Variants in KCNK10 observed in about 807,000 individuals in gnomAD.
The protein encoded by KCNK10 is potassium channel subfamily K member 10.
In KCNK10, 25 loss-of-function variants were observed where a neutral mutation model predicts 47.7. That is an observed-to-expected ratio of 0.52 (90% CI 0.38 to 0.73). The LOEUF (loss-of-function observed/expected upper bound fraction) is 0.73, where lower values mean the gene tolerates loss of function less well. KCNK10 is among the 30% of genes least tolerant of loss of function. KCNK10 has a pLI of 0.00. For missense variants in KCNK10, 563 were observed against 714.5 expected (o/e 0.79, Z 2.42); for synonymous variants, 303 against 285.6 (o/e 1.06, Z -0.61).
At position 88,186,241 on chromosome 14, in the gene KCNK10, C is replaced by T. The variant is rs573266073; in HGVS notation, c.1012-86G>A. ...AGCACCCACAGCCCTCGGGTGTCCC[C>T]ACGGGGAGGCCAGGAGGTGACGGAG... On this transcript the variant is annotated intron_variant, in intron 6 of 6. Transcript: ENST00000319231. The surrounding 1 kb of genome is among the most constrained non-coding windows in gnomAD (Gnocchi z 5.5). The T allele has an allele frequency of 3.5e-6, 5 of 1,445,332 alleles. No homozygotes were observed. Among genetic ancestry groups the T allele is most frequent in the East Asian group, 4.9e-5 (2 of 40,700 alleles). 89.5% of individuals were successfully genotyped at this position (1,445,332 alleles called of 1,614,324 possible).
chr14:88,294,989 T>G (rs1475910213), intron 1 of KCNK10, among the ~76,000 whole-genome samples: 1 of 152,250 alleles, frequency 6.6e-6, no homozygotes, highest in Non-Finnish European at 1.5e-5. Flanking sequence ...TATTTGTTCT[T>G]ATACTGGAAA....
chr14:88,265,413 C>G (rs1054777758), intron 1 of KCNK10, among the ~76,000 whole-genome samples: 2 of 152,064 alleles, frequency 1.3e-5, no homozygotes, highest in Non-Finnish European at 2.9e-5. Context: ...GAATGTGGTC[C>G]CTCTAGAAGC....
At chr14:88,232,559 T>C (rs1181847739) in intron 3 of KCNK10, among the ~76,000 whole-genome samples, 1 of 152,248 alleles carries the variant, frequency 6.6e-6, no homozygotes, top group Non-Finnish European at 1.5e-5. Context: ...ATTCTCTAAC[T>C]GTATGACTCT....
rs144116474 is a variant in KCNK10 at position 88,246,246 on chromosome 14, G to C, written c.403-5426C>G. On this transcript the variant is annotated intron_variant, in intron 2 of 6. Transcript: ENST00000319231. ...CCACTGCACTCCAGCCTGGGGGACA[G>C]AGCGAGACTCCGTCTCAGAAAAAAA... Among the ~76,000 whole-genome samples, 670 of 134,508 alleles carry C rather than the reference G, an allele frequency of 5.0e-3. 8 individuals are homozygous for C. Among genetic ancestry groups the C allele is most frequent in the African/African-American group, 0.018 (647 of 36,158 alleles). 88.2% of individuals were successfully genotyped at this position (134,508 alleles called of 152,430 possible).
upstream of KCNK10, among the ~76,000 whole-genome samples, chr14:88,325,500 A>C (rs1028904519): frequency 3.9e-5 from 6 of 152,182 alleles, no homozygotes; most frequent in African/African-American, 1.4e-4. Context: ...CAGAGAGATA[A>C]AGAAACATTC....
intron 1 of KCNK10, among the ~76,000 whole-genome samples, chr14:88,272,909 G>T (rs966701052): frequency 6.6e-6 from 1 of 152,158 alleles, no homozygotes; most frequent in East Asian, 1.9e-4. Context: ...GAAAGGAGGC[G>T]TCTGGGATGA....
At chr14:88,258,161 A>C (rs1191070752) in intron 2 of KCNK10, among the ~76,000 whole-genome samples, 1 of 152,160 alleles carries the variant, frequency 6.6e-6, no homozygotes, top group African/African-American at 2.4e-5. Flanking sequence ...TCCTTTTGTG[A>C]GCATTTACCG....
chr14:88,215,604 A>C (rs1168224553), intron 4 of KCNK10, among the ~76,000 whole-genome samples: 1 of 152,198 alleles, frequency 6.6e-6, no homozygotes. Flanking sequence ...TTATCTCAAC[A>C]AAATCCTCTC....
chr14:88,312,138 T>C (rs1472333028), intron 1 of KCNK10, among the ~76,000 whole-genome samples: 2 of 152,068 alleles, frequency 1.3e-5, no homozygotes. Flanking sequence ...AAAGAAACCA[T>C]ATTCACTCGC....
chr14:88,326,628 G>A (rs1306485891), upstream of KCNK10: 1 of 598,634 alleles, frequency 1.7e-6, no homozygotes, highest in Non-Finnish European at 2.9e-6. Context: ...CCCCCAGCAG[G>A]AGACCCGGGC....
intron 1 of KCNK10, among the ~76,000 whole-genome samples, chr14:88,274,859 AC>A (rs1295995364): frequency 6.6e-6 from 1 of 152,094 alleles, no homozygotes; most frequent in East Asian, 1.9e-4. Flanking sequence ...CTGCCAAGCC[AC>A]CCACCACCGG....
intron 4 of KCNK10, among the ~76,000 whole-genome samples, chr14:88,223,253 A>G (rs888758669): frequency 6.6e-6 from 1 of 152,126 alleles, no homozygotes; most frequent in Non-Finnish European, 1.5e-5. Flanking sequence ...CCTTGTATTC[A>G]AGGATAATTA....
chr14:88,282,958 T>C (rs1455755003), intron 1 of KCNK10, among the ~76,000 whole-genome samples: 1 of 152,186 alleles, frequency 6.6e-6, no homozygotes, highest in Non-Finnish European at 1.5e-5. Context: ...TACCCCTACC[T>C]CTTACAACCT....
chr14:88,203,736 G>T (rs1255443771), intron 4 of KCNK10, among the ~76,000 whole-genome samples: 1 of 152,168 alleles, frequency 6.6e-6, no homozygotes, highest in Non-Finnish European at 1.5e-5. Flanking sequence ...GAGGCAGAAG[G>T]ATCTGTCACC....
At position 88,323,243 on chromosome 14, in the gene KCNK10, C is replaced by T; in HGVS notation, c.-445G>A. On this transcript the variant is annotated 5_prime_UTR_variant, in exon 1 of 7. Coordinates refer to ENST00000319231, the MANE Select transcript of KCNK10 (RefSeq NM_138317.3). The stretch of plus-strand genomic sequence containing the variant: ...GCACACACTCCCGCACACACACACC[C>T]GCACACACACTCCCGGGCGCGCGCT... 1 of 990,896 alleles carries T rather than the reference C, an allele frequency of 1.0e-6. No individual in the cohort carries two copies. Among genetic ancestry groups the T allele is most frequent in the Middle Eastern group, 5.2e-4 (1 of 1,924 alleles). 61.4% of individuals were successfully genotyped at this position (990,896 alleles called of 1,614,324 possible). A position where few individuals can be genotyped will look rare whatever the true frequency, so the allele number is the denominator to read the frequency against.
chr14:88,252,059 T>A (rs145542577), intron 2 of KCNK10, among the ~76,000 whole-genome samples: 2 of 152,194 alleles, frequency 1.3e-5, no homozygotes, highest in East Asian at 3.9e-4. Flanking sequence ...AGGGTCACTA[T>A]ATATTTTATA....
intron 4 of KCNK10, among the ~76,000 whole-genome samples, chr14:88,197,693 T>C (rs1884962510): frequency 2.0e-5 from 3 of 150,046 alleles, no homozygotes; most frequent in Admixed American, 6.7e-5. Context: ...TGTTAACATT[T>C]GAAGATAATA....
chr14:88,301,436 T>C (rs1177639311), intron 1 of KCNK10, among the ~76,000 whole-genome samples: 2 of 152,180 alleles, frequency 1.3e-5, no homozygotes, highest in African/African-American at 2.4e-5. Context: ...GGTTTATAAA[T>C]TTTTTAGTTT....
At chr14:88,246,584 T>C (rs571340019) in intron 2 of KCNK10, among the ~76,000 whole-genome samples, 2 of 152,302 alleles carry the variant, frequency 1.3e-5, no homozygotes, top group African/African-American at 4.8e-5. Flanking sequence ...AAGGGCAAGG[T>C]GAGTTCACAA....
Sources: allele counts gnomAD v4.1 joint callset (sites outside exome capture counted in the v4.1 genomes callset), GRCh38; gene constraint gnomAD v4.1.1; non-coding constraint Gnocchi (gnomAD v3.1); transcripts MANE v1.5; gene names NCBI Gene and HGNC (gene_info 2026-07-23, HGNC 2026-07-21).